The following SLC5A12 variants were observed in gnomAD, a reference collection of about 807,000 sequenced individuals.
The protein encoded by SLC5A12 is sodium-coupled monocarboxylate transporter 2.
A neutral mutation model predicts 72.7 loss-of-function variants in SLC5A12; 46 were observed. That is an observed-to-expected ratio of 0.63 (90% CI 0.50 to 0.81). The LOEUF (loss-of-function observed/expected upper bound fraction) is 0.81. SLC5A12 is among the 30% of genes least tolerant of loss of function. The pLI is 0.00. For synonymous variants in SLC5A12, 275 were observed against 264.4 expected (o/e 1.04, Z -0.39); for missense variants, 683 against 740.7 (o/e 0.92, Z 0.90).
Position 26,709,169 on chromosome 11 carries a change from A to G in SLC5A12, c.525+143T>C, listed in dbSNP as rs945976728. On this transcript the variant is annotated intron_variant, in intron 4 of 14. Coordinates refer to ENST00000396005, the MANE Select transcript of SLC5A12 (RefSeq NM_178498.4). ...GTTAAACAACAGCACCTTCCTCAGG[A>G]AACTGTGACAGATAAGCCGACATAC... The G allele has an allele frequency of 8.0e-5, 43 of 538,746 alleles. 1 individual carries two copies. The highest frequency in any genetic ancestry group is 1.3e-4 in the Non-Finnish European group (40 of 306,790). 33.4% of individuals were successfully genotyped at this position (538,746 alleles called of 1,614,324 possible). A position where few individuals can be genotyped will look rare whatever the true frequency, so the allele number is the denominator to read the frequency against.
At chr11:26,696,741 G>A (rs1446575829) in intron 8 of SLC5A12, among the ~76,000 whole-genome samples, 1 of 152,168 alleles carries the variant, frequency 6.6e-6, no homozygotes, top group Non-Finnish European at 1.5e-5. Flanking sequence ...ATCATTGACT[G>A]AAATGTCATG....
chr11:26,667,671 A>G lies in SLC5A12; in HGVS notation c.*3431T>C, dbSNP rs1047156208. 6.6e-6 allele frequency: 1 copy of G among 151,962 alleles called. No homozygotes were observed. The highest frequency in any genetic ancestry group is 6.6e-5 in the Admixed American group (1 of 15,218). 9.4% of individuals were successfully genotyped at this position (151,962 alleles called of 1,614,324 possible). A position where few individuals can be genotyped will look rare whatever the true frequency, so the allele number is the denominator to read the frequency against. ...ATCATAGTAATGAATTGCATCTTTT[A>G]GTAATAAACTTGTTTATAACAGTAG... On this transcript the variant is annotated 3_prime_UTR_variant, in exon 15 of 15. Coordinates refer to ENST00000396005, the MANE Select transcript of SLC5A12 (RefSeq NM_178498.4).
intron 4 of SLC5A12, 49 bp from the exon 5 acceptor site, chr11:26,703,996 T>C: frequency 6.2e-7 from 1 of 1,601,128 alleles, no homozygotes. Context: ...CCTGTAACTG[T>C]ACTGGCTCTG....
At chr11:26,682,045 T>C (rs4562782) in intron 11 of SLC5A12, among the ~76,000 whole-genome samples, 150,667 of 151,940 alleles carry the variant, frequency 0.99, 74,720 homozygotes, top group East Asian at 1. Flanking sequence ...ATTTCTAATA[T>C]AACAGTCAGA....
intron 4 of SLC5A12, chr11:26,709,049 GA>G: frequency 3.1e-6 from 1 of 318,838 alleles, no homozygotes; most frequent in Non-Finnish European, 5.7e-6. Flanking sequence ...CTCTAATCAA[GA>G]AGACTTTTTC....
At chr11:26,723,127 G>A (rs889451022), upstream of SLC5A12, among the ~76,000 whole-genome samples, 1 of 151,746 alleles carries the variant, frequency 6.6e-6, no homozygotes, top group Non-Finnish European at 1.5e-5. Context: ...TTTTTAGAAA[G>A]GAGAAAACTA....
chr11:26,682,099 A>G (rs570324006), intron 11 of SLC5A12, among the ~76,000 whole-genome samples: 1 of 152,012 alleles, frequency 6.6e-6, no homozygotes, highest in Admixed American at 6.6e-5. Flanking sequence ...TATCTGTCAC[A>G]ACAACTCAGT....
Position 26,692,494 on chromosome 11 carries a change from C to T in SLC5A12, c.1148G>A (p.Gly383Asp). Residue 383 changes from glycine to aspartate, a missense_variant, in exon 9 of 15, where the codon GGC (glycine) becomes GAC (aspartate). Transcript: ENST00000396005. ...AGTCCACCAGCTGTACCTACATAAG[C>T]CTTTACTGATCCAGGTGCTCAGCTT... is the stretch of plus-strand genomic sequence containing the variant. The part of the protein sequence containing the change: ...SDKLSTWISK[G>D]LCLLFGVMCT... 4 of 1,606,840 alleles carry T rather than the reference C, an allele frequency of 2.5e-6. No individual in the cohort carries two copies. Among genetic ancestry groups the T allele is most frequent in the Non-Finnish European group, 3.4e-6 (4 of 1,173,368 alleles).
At chr11:26,715,647 C>T (rs1855334410) in intron 1 of SLC5A12, among the ~76,000 whole-genome samples, 1 of 152,174 alleles carries the variant, frequency 6.6e-6, no homozygotes, top group Admixed American at 6.5e-5. Context: ...TAGAATGCAA[C>T]TTAAGACAGA....
At position 26,703,631 on chromosome 11, in the gene SLC5A12, T is replaced by C. The variant is rs760908310; in HGVS notation, c.721A>G (p.Ile241Val). 3 of 1,613,958 alleles carry C rather than the reference T, an allele frequency of 1.9e-6. No homozygotes were observed. The highest frequency in any genetic ancestry group is 1.7e-6 in the Non-Finnish European group (2 of 1,179,910). ...CAAGTAAAAGTTCCTCCCACTGTGA[T>C]AGTCCAAAAAGTGTGTCGCCTGAGA... ...DPLRRHTFWT[I>V]TVGGTFTWLG... The change falls in exon 6 of 15, where the codon ATC (isoleucine) becomes GTC (valine). Residue 241 changes from isoleucine to valine, a missense_variant. Coordinates refer to ENST00000396005, the MANE Select transcript of SLC5A12 (RefSeq NM_178498.4).
chr11:26,669,187 T>TCTTTCTTTCTTTCTTTCTTTCTTTC lies in SLC5A12; in HGVS notation c.*1914_*1915insGAAAGAAAGAAAGAAAGAAAGAAAG, dbSNP rs1854073298. ...TGTCTTTTTCTTTCTTTCTTTCTTC[T>TCTTTCTTTCTTTCTTTCTTTCTTTC]TTTCTTTCTTTCTTTCTTTCTTTCT... On this transcript the variant is annotated 3_prime_UTR_variant, in exon 15 of 15. Transcript: ENST00000396005. 3.6e-5 allele frequency: 4 copies of TCTTTCTTTCTTTCTTTCTTTCTTTC among 110,942 alleles called. No homozygotes were observed. The highest frequency in any genetic ancestry group is 9.3e-5 in the Admixed American group (1 of 10,744). The allele number at this position is 110,942 out of a possible 1,614,324, so 6.9% of individuals were successfully genotyped here. A position where few individuals can be genotyped will look rare whatever the true frequency, so the allele number is the denominator to read the frequency against.
intron 2 of SLC5A12, among the ~76,000 whole-genome samples, chr11:26,712,227 T>C (rs1199185820): frequency 6.6e-6 from 1 of 152,046 alleles, no homozygotes; most frequent in Non-Finnish European, 1.5e-5. Context: ...GCTGGGAATA[T>C]TGTCTTAAAA....
chr11:26,704,064 G>T, intron 4 of SLC5A12, 117 bp from the exon 5 acceptor site: 1 of 1,113,244 alleles, frequency 9.0e-7, no homozygotes, highest in South Asian at 1.5e-5. Flanking sequence ...ATCAGCCACT[G>T]AGGATCTTTT....
chr11:26,697,597 G>A (rs1854853368), intron 7 of SLC5A12, among the ~76,000 whole-genome samples: 1 of 152,084 alleles, frequency 6.6e-6, no homozygotes, highest in Non-Finnish European at 1.5e-5. Context: ...GAGAGGGAAG[G>A]CAAATGATTA....
At chr11:26,717,197 A>G (rs1855370474) in intron 1 of SLC5A12, among the ~76,000 whole-genome samples, 1 of 152,224 alleles carries the variant, frequency 6.6e-6, no homozygotes, top group Non-Finnish European at 1.5e-5. Context: ...TATGTAATGT[A>G]TAAATGCTCA....
chr11:26,687,460 A>G (rs1854564134), intron 9 of SLC5A12, among the ~76,000 whole-genome samples: 1 of 152,184 alleles, frequency 6.6e-6, no homozygotes, highest in African/African-American at 2.4e-5. Context: ...TATTAATTCA[A>G]TCTTATTGAA....
chr11:26,677,331 T>C (rs187834117), intron 13 of SLC5A12, among the ~76,000 whole-genome samples: 2 of 152,312 alleles, frequency 1.3e-5, no homozygotes, highest in East Asian at 3.9e-4. Flanking sequence ...TCAAATTTAA[T>C]ATAAGTGCTG....
At chr11:26,675,028 G>A (rs574165578) in intron 13 of SLC5A12, among the ~76,000 whole-genome samples, 6 of 152,266 alleles carry the variant, frequency 3.9e-5, no homozygotes, top group Admixed American at 6.5e-5. Context: ...TAATGTGTGC[G>A]TATGTGTGAG....
intron 13 of SLC5A12, among the ~76,000 whole-genome samples, chr11:26,677,970 A>G (rs1030917847): frequency 2.0e-5 from 3 of 152,162 alleles, no homozygotes; most frequent in Non-Finnish European, 4.4e-5. Flanking sequence ...CACCACTACC[A>G]ACCCCTCATG....
Sources: gnomAD v4.1 joint callset for allele counts (sites outside exome capture counted in the v4.1 genomes callset) on GRCh38, gnomAD v4.1.1 for gene constraint, MANE v1.5 for transcripts, NCBI Gene and HGNC (gene_info 2026-07-23, HGNC 2026-07-21) for gene names.